Variants in UMAD1 observed in about 807,000 individuals in gnomAD.
The protein encoded by UMAD1 is UBAP1-MVB12-associated (UMA) domain containing 1.
UMAD1 carries 8 observed loss-of-function variants against 6.1 expected under a neutral mutation model. That is an observed-to-expected ratio of 1.30 (90% CI 0.76 to 2.35). UMAD1 has a LOEUF of 2.35. Among genes scored for constraint, UMAD1 ranks in the 30% most tolerant of loss-of-function variants. The pLI is 0.00. For synonymous variants in UMAD1, 56 were observed against 31.4 expected, an observed-to-expected ratio of 1.78 and a Z score of -2.61; for missense variants, 130 against 78.4, an observed-to-expected ratio of 1.66 and a Z score of -2.49.
intron 2 of UMAD1, among the ~76,000 whole-genome samples, chr7:7,716,251 C>A (rs190398023): frequency 4.7e-4 from 72 of 152,000 alleles, no homozygotes; most frequent in African/African-American, 1.4e-3. Flanking sequence ...AATCAGGATT[C>A]GATATTATTA....
At chr7:7,714,068 G>C (rs1756902796) in intron 2 of UMAD1, among the ~76,000 whole-genome samples, 1 of 152,188 alleles carries the variant, frequency 6.6e-6, no homozygotes, top group Non-Finnish European at 1.5e-5. Context: ...TCCAAAAATT[G>C]AGTTTTTTTG....
intron 2 of UMAD1, among the ~76,000 whole-genome samples, chr7:7,744,493 CCAGA>C (rs1781531458): frequency 6.6e-6 from 1 of 151,942 alleles, no homozygotes; most frequent in African/African-American, 2.4e-5. Flanking sequence ...CGAGGAATTG[CCAGA>C]CAATTTTTCA....
At chr7:7,719,542 A>G (rs949668060) in intron 2 of UMAD1, among the ~76,000 whole-genome samples, 6 of 152,316 alleles carry the variant, frequency 3.9e-5, no homozygotes, top group Non-Finnish European at 8.8e-5. Flanking sequence ...TATTCTAACC[A>G]CAGTCAACAG....
At chr7:7,819,800 C>T (rs1783206728) in intron 3 of UMAD1, among the ~76,000 whole-genome samples, 1 of 152,196 alleles carries the variant, frequency 6.6e-6, no homozygotes, top group Non-Finnish European at 1.5e-5. Flanking sequence ...AGTTCTCTAA[C>T]TTCTCATCCG....
intron 2 of UMAD1, among the ~76,000 whole-genome samples, chr7:7,776,251 A>G (rs1201217446): frequency 6.6e-6 from 1 of 152,218 alleles, no homozygotes; most frequent in Non-Finnish European, 1.5e-5. Flanking sequence ...AGTTGAGCCC[A>G]GGAATTCGAA....
chr7:7,856,844 T>G (rs1784028579), intron 3 of UMAD1, among the ~76,000 whole-genome samples: 1 of 152,196 alleles, frequency 6.6e-6, no homozygotes, highest in Admixed American at 6.5e-5. Flanking sequence ...AAATTAACTT[T>G]TGGGTATAAA....
At chr7:7,782,734 CTTTTT>C (rs777169882) in intron 2 of UMAD1, among the ~76,000 whole-genome samples, 2 of 127,126 alleles carry the variant, frequency 1.6e-5, no homozygotes, top group African/African-American at 3.2e-5. Context: ...TAACCTCTCT[CTTTTT>C]TTTTTTTTTT....
intron 3 of UMAD1, among the ~76,000 whole-genome samples, chr7:7,857,446 G>A (rs954254068): frequency 2.6e-5 from 4 of 152,154 alleles, no homozygotes; most frequent in African/African-American, 9.7e-5. Flanking sequence ...GCACTTTCTT[G>A]CCATTGCTTG....
intron 2 of UMAD1, chr7:7,735,854 C>T (rs1398866437): frequency 6.6e-6 from 1 of 152,278 alleles, no homozygotes; most frequent in Non-Finnish European, 1.5e-5. Flanking sequence ...GTATCTTCCA[C>T]AGGTTTTTTG....
intron 3 of UMAD1, among the ~76,000 whole-genome samples, chr7:7,858,232 A>G (rs1784055639): frequency 6.6e-6 from 1 of 152,254 alleles, no homozygotes; most frequent in Non-Finnish European, 1.5e-5. Flanking sequence ...GATTTGATGT[A>G]AAGTTAATGA....
intron 3 of UMAD1, among the ~76,000 whole-genome samples, chr7:7,872,111 AAAG>A (rs755786998): frequency 3.9e-5 from 6 of 152,144 alleles, no homozygotes; most frequent in African/African-American, 1.2e-4. Context: ...ATAAAAAAAA[AAAG>A]AAGTTGTGTG....
chr7:7,847,056 TAAA>T (rs756458461), intron 3 of UMAD1, among the ~76,000 whole-genome samples: 449 of 33,496 alleles, frequency 0.013, 23 homozygotes, highest in African/African-American at 0.062. Context: ...TAGAGTATAA[TAAA>T]AAAAAAAAAA....
intron 2 of UMAD1, among the ~76,000 whole-genome samples, chr7:7,792,989 C>G (rs2115265598): frequency 6.6e-6 from 1 of 152,246 alleles, no homozygotes; most frequent in Non-Finnish European, 1.5e-5. Flanking sequence ...CTCTTACTAC[C>G]AACACACTGG....
chr7:7,698,162 A>G (rs950209805), intron 2 of UMAD1, among the ~76,000 whole-genome samples: 2 of 152,246 alleles, frequency 1.3e-5, no homozygotes, highest in African/African-American at 4.8e-5. Context: ...GTAGTTCTAT[A>G]TCTGATGTGA....
chr7:7,780,831 TTG>T (rs1782330964), intron 2 of UMAD1, among the ~76,000 whole-genome samples: 1 of 152,222 alleles, frequency 6.6e-6, no homozygotes, highest in Admixed American at 6.5e-5. Flanking sequence ...TGATATTATA[TTG>T]TGTGTTTATG....
At chr7:7,817,629 T>A (rs1783157525) in intron 3 of UMAD1, among the ~76,000 whole-genome samples, 1 of 152,214 alleles carries the variant, frequency 6.6e-6, no homozygotes, top group South Asian at 2.1e-4. Flanking sequence ...AAAGTGACTC[T>A]TGCCTCTCTT....
At chr7:7,798,478 A>G (rs1381911515) in intron 2 of UMAD1, among the ~76,000 whole-genome samples, 1 of 152,244 alleles carries the variant, frequency 6.6e-6, no homozygotes, top group Non-Finnish European at 1.5e-5. Context: ...GAGCAGAAGG[A>G]AGAATAAAGT....
At chr7:7,872,103 A>C (rs371960752) in intron 3 of UMAD1, among the ~76,000 whole-genome samples, 14 of 145,078 alleles carry the variant, frequency 9.6e-5, no homozygotes, top group Admixed American at 2.1e-4. Context: ...AATAAAAAAT[A>C]AAAAAAAAAA....
chr7:7,717,064 T>TTTC (rs1395801604), intron 2 of UMAD1, among the ~76,000 whole-genome samples: 4 of 146,688 alleles, frequency 2.7e-5, no homozygotes, highest in African/African-American at 1.1e-4. Flanking sequence ...TTTTTTCTTT[T>TTTC]TTTTTTTTTT....
Sources: allele counts gnomAD v4.1 joint callset (sites outside exome capture counted in the v4.1 genomes callset), GRCh38; gene constraint gnomAD v4.1.1; transcripts MANE v1.5; gene names NCBI Gene and HGNC (gene_info 2026-07-23, HGNC 2026-07-21).